MRPS31: variants seen among roughly 807,000 people sequenced by gnomAD.
MRPS31 encodes the protein mitochondrial ribosomal protein S31.
A neutral mutation model predicts 43.1 loss-of-function variants in MRPS31; 32 were observed. The observed-to-expected ratio is 0.74, with a 90% confidence interval of 0.56 to 1.00. The LOEUF (loss-of-function observed/expected upper bound fraction) is 1.00. Ranked by LOEUF, MRPS31 falls within the 50% of genes least tolerant of loss-of-function variation. The probability of loss-of-function intolerance (pLI) is 0.00; values close to 1 mark genes in which losing one functional copy is unlikely to be tolerated. For synonymous variants in MRPS31, 165 were observed against 161.6 expected, an observed-to-expected ratio of 1.02 and a Z score of -0.16; for missense variants, 437 against 466.7, an observed-to-expected ratio of 0.94 and a Z score of 0.59.
chr13:40,744,599 T>C (rs1880189406), intron 6 of MRPS31, among the ~76,000 whole-genome samples: 1 of 152,242 alleles, frequency 6.6e-6, no homozygotes, highest in South Asian at 2.1e-4. Flanking sequence ...TCGCGCTCTG[T>C]AGCCCAGGCT....
chr13:40,732,309 A>C (rs763027338), intron 6 of MRPS31, among the ~76,000 whole-genome samples: 1 of 152,168 alleles, frequency 6.6e-6, no homozygotes, highest in Non-Finnish European at 1.5e-5. Flanking sequence ...CCTTCCTCTC[A>C]AGTATAAACA....
At position 40,729,260 on chromosome 13, in the gene MRPS31, A is replaced by G. The variant is rs1879590223; in HGVS notation, c.*112T>C. 1 of 613,814 alleles carries G rather than the reference A, an allele frequency of 1.6e-6. No homozygotes were observed. The highest frequency in any genetic ancestry group is 2.8e-6 in the Non-Finnish European group (1 of 363,510). 38.0% of individuals were successfully genotyped at this position (613,814 alleles called of 1,614,324 possible). ...TTTTTGAAAACAATGTAACATTTAT[A>G]CCAGCCAAATCAAATGTAATAATCA... On this transcript the variant is annotated 3_prime_UTR_variant, in exon 7 of 7. Coordinates refer to ENST00000323563, the MANE Select transcript of MRPS31 (RefSeq NM_005830.4).
intron 3 of MRPS31, among the ~76,000 whole-genome samples, chr13:40,757,869 G>A (rs1168127534): frequency 1.3e-5 from 2 of 150,808 alleles, no homozygotes; most frequent in South Asian, 2.1e-4. Context: ...AAGGCCGGGT[G>A]CAGTGGCTCA....
intron 4 of MRPS31, among the ~76,000 whole-genome samples, chr13:40,754,389 G>C (rs1253921839): frequency 6.6e-6 from 1 of 152,034 alleles, no homozygotes; most frequent in Non-Finnish European, 1.5e-5. Flanking sequence ...TTATATTAAG[G>C]TTTTAAAAAC....
At chr13:40,745,635 G>A (rs797021419) in intron 6 of MRPS31, among the ~76,000 whole-genome samples, 3 of 151,986 alleles carry the variant, frequency 2.0e-5, no homozygotes, top group Admixed American at 6.5e-5. Context: ...ACTGTGGCTT[G>A]TCTTTTTATA....
In MRPS31 at chr13:40,766,864, C is replaced by T. The variant is rs1482243689; in HGVS notation, c.322G>A (p.Val108Ile). The T allele has an allele frequency of 6.2e-7, 1 of 1,614,138 alleles. No homozygotes were observed. The highest frequency in any genetic ancestry group is 2.2e-5 in the East Asian group (1 of 44,868). ...DLLGIIKGMKVELSTVNVRTT... is the reference protein window; with the variant it reads ...DLLGIIKGMKIELSTVNVRTT... ...CGTACATTTACTGTGCTTAATTCAA[C>T]TTTCATGCCCTTAATAATGCCTAAC... The change falls in exon 2 of 7, where the codon GTT becomes ATT. Residue 108 changes from valine (V) to isoleucine (I), a missense_variant. By Grantham distance (29) the Val-to-Ile change is conservative. Transcript: ENST00000323563.
chr13:40,763,652 T>C (rs1880763849), intron 2 of MRPS31, among the ~76,000 whole-genome samples: 1 of 152,156 alleles, frequency 6.6e-6, no homozygotes, highest in Non-Finnish European at 1.5e-5. Flanking sequence ...TACTTCTGGT[T>C]CCACATGCTC....
intron 5 of MRPS31, among the ~76,000 whole-genome samples, chr13:40,751,844 T>C (rs552185919): frequency 3.3e-5 from 5 of 152,252 alleles, no homozygotes; most frequent in African/African-American, 1.2e-4. Context: ...CTAACTAGAG[T>C]ATAATAATTT....
chr13:40,756,709 T>C (rs1566110010), intron 4 of MRPS31, among the ~76,000 whole-genome samples, 164 bp downstream of exon 4: 1 of 152,188 alleles, frequency 6.6e-6, no homozygotes, highest in African/African-American at 2.4e-5. Flanking sequence ...CATGGTTCCC[T>C]CTCTAGGAAG....
chr13:40,752,709 C>CCTAGGAA (rs1378663948), intron 5 of MRPS31, among the ~76,000 whole-genome samples: 1 of 151,946 alleles, frequency 6.6e-6, no homozygotes, highest in Non-Finnish European at 1.5e-5. Flanking sequence ...TGGAGGCCCG[C>CCTAGGAA]CTAGGAACTT....
chr13:40,741,769 T>C (rs749353646), intron 6 of MRPS31, among the ~76,000 whole-genome samples: 7 of 151,972 alleles, frequency 4.6e-5, no homozygotes, highest in Non-Finnish European at 8.8e-5. Context: ...AGGAAAATGG[T>C]AAAAGAAATT....
At position 40,770,958 on chromosome 13, in the gene MRPS31, G is replaced by A. The variant is rs746749988; in HGVS notation, c.152+27C>T. 4 of 1,613,902 alleles carry A rather than the reference G, an allele frequency of 2.5e-6. No individual in the cohort carries two copies. The East Asian group carries it at 6.7e-5, about 27-fold the overall frequency. The stretch of plus-strand genomic sequence containing the variant: ...CAGGAAGTCGGAGGATGTACAGGAC[G>A]GGGCACGGGGTTGCCTGAGGACCTA... On this transcript the variant is annotated intron_variant, in intron 1 of 6. Transcript: ENST00000323563.
chr13:40,752,665 G>A lies in MRPS31; in HGVS notation c.814+1354C>T, dbSNP rs186759904. Reference sequence around the variant, plus strand: ...TAAATAGAGGGAAAATCAAAAGTTCGTATAAGTAACTGTAGAAAGATTAAA... The same window carrying A: ...TAAATAGAGGGAAAATCAAAAGTTCATATAAGTAACTGTAGAAAGATTAAA... On this transcript the variant is annotated intron_variant, in intron 5 of 6. Transcript: ENST00000323563. Among the ~76,000 whole-genome samples, 22 of 152,124 alleles carry A rather than the reference G, an allele frequency of 1.4e-4. 1 individual carries two copies. Among genetic ancestry groups the A allele is most frequent in the African/African-American group, 4.6e-4 (19 of 41,500 alleles).
rs189861802 is a variant in MRPS31 at position 40,770,592 on chromosome 13, C to T, written c.152+393G>A. On this transcript the variant is annotated intron_variant, in intron 1 of 6. Coordinates refer to ENST00000323563, the MANE Select transcript of MRPS31 (RefSeq NM_005830.4). ...GTCTACTTTCTGGAACTACACGCTC[C>T]GTGATGGCAGGACTGTCTCACTTGG... Among the ~76,000 whole-genome samples, 34 of 152,326 alleles carry T rather than the reference C, an allele frequency of 2.2e-4. 1 individual carries two copies. The highest frequency in any genetic ancestry group is 2.0e-3 in the Admixed American group (31 of 15,306).
chr13:40,739,595 A>C (rs1307707437), intron 6 of MRPS31, among the ~76,000 whole-genome samples: 3 of 152,230 alleles, frequency 2.0e-5, no homozygotes, highest in Non-Finnish European at 4.4e-5. Context: ...ACAGAGACAT[A>C]GATCAATGGA....
intron 6 of MRPS31, among the ~76,000 whole-genome samples, chr13:40,735,742 A>G (rs1431676505): frequency 9.3e-5 from 14 of 151,038 alleles, no homozygotes; most frequent in Non-Finnish European, 2.1e-4. Flanking sequence ...AAGGAAAACT[A>G]ACAAACAGAA....
At chr13:40,736,538 A>G (rs1404108661) in intron 6 of MRPS31, among the ~76,000 whole-genome samples, 4 of 145,090 alleles carry the variant, frequency 2.8e-5, no homozygotes, top group Admixed American at 6.8e-5. Flanking sequence ...AGAGAAAGGT[A>G]GGGTTACCCT....
chr13:40,746,825 C>T (rs891545087), intron 6 of MRPS31, among the ~76,000 whole-genome samples: 1 of 152,196 alleles, frequency 6.6e-6, no homozygotes, highest in Non-Finnish European at 1.5e-5. Flanking sequence ...AACCCCTTCA[C>T]AATGTTGTTG....
At chr13:40,752,507 TC>T (rs1229943836) in intron 5 of MRPS31, 2 of 152,198 alleles carry the variant, frequency 1.3e-5, no homozygotes, top group African/African-American at 2.4e-5. Context: ...TTAACTTCTT[TC>T]CTCTACAGAT....
Sources: gnomAD v4.1 joint callset for allele counts (sites outside exome capture counted in the v4.1 genomes callset) on GRCh38, gnomAD v4.1.1 for gene constraint, MANE v1.5 for transcripts, NCBI Gene and HGNC (gene_info 2026-07-23, HGNC 2026-07-21) for gene names.